The following CLPTM1L variants were observed in gnomAD, a reference collection of about 807,000 sequenced individuals.
The protein encoded by CLPTM1L is CLPTM1 like.
CLPTM1L carries 38 observed loss-of-function variants against 70.9 expected under a neutral mutation model. The observed-to-expected ratio is 0.54, with a 90% CI of 0.41 to 0.70. The LOEUF (loss-of-function observed/expected upper bound fraction) is 0.70. Ranked by LOEUF, CLPTM1L falls within the 30% of genes least tolerant of loss-of-function variation. CLPTM1L has a pLI of 0.00. For missense variants in CLPTM1L, 652 were observed against 705.9 expected (o/e 0.92, Z 0.87); for synonymous variants, 339 against 299.9 (o/e 1.13, Z -1.35).
chr5:1,334,363 C>T lies in CLPTM1L; in HGVS notation c.817G>A (p.Asp273Asn). 6.2e-7 allele frequency: 1 copy of T among 1,608,868 alleles called. No homozygotes were observed. The highest frequency in any genetic ancestry group is 1.3e-5 in the African/African-American group (1 of 74,348). Residue 273 changes from aspartate (D) to asparagine (N), a missense_variant, in exon 7 of 17, where the codon GAT becomes AAT. This residue lies in a region of CLPTM1L where 402 missense variants were observed against 388.2 expected (regional missense o/e 1.04). Coordinates refer to ENST00000320895, the MANE Select transcript of CLPTM1L (RefSeq NM_030782.5). The stretch of plus-strand genomic sequence containing the variant: ...TCTACAAAAATTCCTTTCACCTCAT[C>T]AGCATCTTTCTCTGAAAACCCTGTC... Reference protein sequence around the residue: ...QQFGFSEKDADEVKGIFVDTN... With the variant: ...QQFGFSEKDANEVKGIFVDTN...
Position 1,323,821 on chromosome 5 carries a change from C to G in CLPTM1L, c.1246G>C (p.Ala416Pro), listed in dbSNP as rs143020533. 4.3e-6 allele frequency: 7 copies of G among 1,613,692 alleles called. No individual in the cohort carries two copies. Among genetic ancestry groups the G allele is most frequent in the African/African-American group, 1.3e-5 (1 of 74,940 alleles). ...TTGATATTCAGGAGTGAATAGACAG[C>G]ACCCCCGACACAGAGAGGGTACAGC... ...YLLYPLCVGG[A>P]VYSLLNIKYK... Residue 416 changes from alanine to proline, a missense_variant, in exon 12 of 17, where the codon GCT becomes CCT. By Grantham distance (27) the Ala-to-Pro change is conservative. This residue lies in a region of CLPTM1L where 240 missense variants were observed against 295.0 expected (regional missense o/e 0.81). Transcript: ENST00000320895.
intron 13 of CLPTM1L, 140 bp downstream of exon 13, chr5:1,322,737 G>A (rs998302198): frequency 1.1e-5 from 9 of 854,058 alleles, no homozygotes; most frequent in South Asian, 4.2e-5. Flanking sequence ...CCTGGGCACC[G>A]CACATGTGCC....
At chr5:1,333,900 T>A (rs1417923388) in intron 7 of CLPTM1L, among the ~76,000 whole-genome samples, 1 of 152,094 alleles carries the variant, frequency 6.6e-6, no homozygotes, top group African/African-American at 2.4e-5. Flanking sequence ...TGCTAGAGGC[T>A]GCCCAGCTCC....
Position 1,342,037 on chromosome 5 carries a change from T to TGCGC in CLPTM1L, c.264-178_264-177insGCGC, listed in dbSNP as rs879397959. On this transcript the variant is annotated intron_variant, in intron 2 of 16. Transcript: ENST00000320895. The surrounding 1 kb of genome is among the most constrained non-coding windows in gnomAD (Gnocchi z 4.3). ...GTGTGTGTGTGTGTGTGTGTGTGTG[T>TGCGC]GTGCACGCGCACGCGTGCGCGTCCT... Among the ~76,000 whole-genome samples the TGCGC allele has an allele frequency of 2.7e-4, 35 of 128,698 alleles. No individual in the cohort carries two copies. Among genetic ancestry groups the TGCGC allele is most frequent in the African/African-American group, 1.1e-3 (31 of 27,596 alleles). 84.4% of individuals were successfully genotyped at this position (128,698 alleles called of 152,430 possible). A position where few individuals can be genotyped will look rare whatever the true frequency, so the allele number is the denominator to read the frequency against.
intron 5 of CLPTM1L, among the ~76,000 whole-genome samples, chr5:1,335,464 C>G (rs1753513218): frequency 6.6e-6 from 1 of 152,248 alleles, no homozygotes; most frequent in Non-Finnish European, 1.5e-5. Flanking sequence ...CAATTTTAAG[C>G]CGCACAAGTC....
chr5:1,331,418 C>T lies in CLPTM1L; in HGVS notation c.976+381G>A, dbSNP rs374332949. 242 of 274,156 alleles carry T rather than the reference C, an allele frequency of 8.8e-4. 2 individuals are homozygous for T. Among genetic ancestry groups the T allele is most frequent in the African/African-American group, 3.6e-3 (167 of 46,346 alleles). The allele number at this position is 274,156 out of a possible 1,614,324, so 17.0% of individuals were successfully genotyped here. On this transcript the variant is annotated intron_variant, in intron 8 of 16. Coordinates refer to ENST00000320895, the MANE Select transcript of CLPTM1L (RefSeq NM_030782.5). Reference sequence around the variant, plus strand: ...CGGGGAAGGAACACCGGCGGGAGGACGGGGCGAGGGAACCAAGACAGGGGA... The same window carrying T: ...CGGGGAAGGAACACCGGCGGGAGGATGGGGCGAGGGAACCAAGACAGGGGA...
At chr5:1,332,990 G>T (rs1048804043) in intron 7 of CLPTM1L, among the ~76,000 whole-genome samples, 1 of 147,406 alleles carries the variant, frequency 6.8e-6, no homozygotes, top group Non-Finnish European at 1.5e-5. Context: ...TATACACACG[G>T]GATGAGGATA....
chr5:1,331,777 G>C (rs1561241451), intron 8 of CLPTM1L, 22 bp downstream of exon 8: 1 of 1,608,770 alleles, frequency 6.2e-7, no homozygotes, highest in African/African-American at 1.3e-5. Context: ...TATCTGAGCA[G>C]GGCCACGCTC....
chr5:1,331,565 T>C (rs1349530502), intron 8 of CLPTM1L: 2 of 400,762 alleles, frequency 5.0e-6, no homozygotes, highest in Non-Finnish European at 8.5e-6. Flanking sequence ...AGCCAGGCCC[T>C]GAGCTGTGCA....
chr5:1,333,637 AAGGGGGACTACTGTATACACACCGGCT>A (rs1753320270), intron 7 of CLPTM1L, among the ~76,000 whole-genome samples: 1 of 128,392 alleles, frequency 7.8e-6, no homozygotes, highest in African/African-American at 3.0e-5. Flanking sequence ...AGATGAGGAT[AAGGGGGACTACTGTATACACACCGGCT>A]GAGGATAAGG....
intron 6 of CLPTM1L, 73 bp from the exon 7 acceptor site, chr5:1,334,456 T>C (rs892048673): frequency 1.7e-6 from 2 of 1,146,366 alleles, no homozygotes; most frequent in Non-Finnish European, 1.3e-6. Flanking sequence ...AATACAGTTT[T>C]CAATATAAAA....
intron 11 of CLPTM1L, 124 bp downstream of exon 11, chr5:1,324,639 G>T: frequency 1.0e-6 from 1 of 961,120 alleles, no homozygotes; most frequent in Non-Finnish European, 1.7e-6. Context: ...TGGGATCCCT[G>T]CTCAAGGCGG....
rs1010173634 is a variant in CLPTM1L at position 1,339,073 on chromosome 5, C to T, written c.454-68G>A. The T allele has an allele frequency of 3.2e-6, 5 of 1,540,032 alleles. No individual in the cohort carries two copies. In the Admixed American group the frequency reaches 5.7e-5, roughly 17 times the overall value. ...CCATGCCCAGGACAGCAGGGTCAGC[C>T]CCCTAACCTGCGAACAGAACGGCCA... On this transcript the variant is annotated intron_variant, in intron 3 of 16. Transcript: ENST00000320895.
intron 3 of CLPTM1L, among the ~76,000 whole-genome samples, chr5:1,340,932 A>AT (rs199683455): frequency 2.0e-5 from 3 of 150,248 alleles, no homozygotes; most frequent in Non-Finnish European, 4.4e-5. Context: ...CATCCAGCTA[A>AT]TTTTTGTATT....
At position 1,342,120 on chromosome 5, in the gene CLPTM1L, T is replaced by C. The variant is rs553408058; in HGVS notation, c.264-260A>G. Among the ~76,000 whole-genome samples the C allele has an allele frequency of 6.6e-6, 1 of 151,628 alleles. No homozygotes were observed. Among genetic ancestry groups the C allele is most frequent in the African/African-American group, 2.4e-5 (1 of 41,376 alleles). On this transcript the variant is annotated intron_variant, in intron 2 of 16. Coordinates refer to ENST00000320895, the MANE Select transcript of CLPTM1L (RefSeq NM_030782.5). This position sits in a 1 kb window ranked among gnomAD's most constrained non-coding sequence, Gnocchi z 4.3. The stretch of plus-strand genomic sequence containing the variant: ...CGAAAGCAAAACGGCCCGCACTTCC[T>C]GCCTCCATCTCAGGAGGCTGAGAGG...
intron 7 of CLPTM1L, 32 bp from the exon 8 acceptor site, chr5:1,331,915 TCTC>T (rs200780996): frequency 0.022 from 34,059 of 1,563,510 alleles, 426 homozygotes; most frequent in Non-Finnish European, 0.025. Flanking sequence ...GCAACTCACA[TCTC>T]CTGCTGTTTC....
intron 9 of CLPTM1L, among the ~76,000 whole-genome samples, chr5:1,329,788 A>G (rs71595031): frequency 0.055 from 2,814 of 51,614 alleles, 210 homozygotes; most frequent in Middle Eastern, 0.071. Flanking sequence ...TGGTGGACAG[A>G]GCCTCAGGAC....
chr5:1,318,283 C>A lies in CLPTM1L; in HGVS notation c.*86G>T. On this transcript the variant is annotated 3_prime_UTR_variant, in exon 17 of 17. Transcript: ENST00000320895. The surrounding 1 kb of genome is among the most constrained non-coding windows in gnomAD (Gnocchi z 8.9). ...AGGGATTTTGGCAACACAGAAAACG[C>A]AATGTCTAGGAATTCCTCCAAATGC... is the stretch of plus-strand genomic sequence containing the variant. 1 of 1,099,276 alleles carries A rather than the reference C, an allele frequency of 9.1e-7. No homozygotes were observed. 68.1% of individuals were successfully genotyped at this position (1,099,276 alleles called of 1,614,324 possible).
chr5:1,330,461 C>G lies in CLPTM1L; in HGVS notation c.977-78G>C. On this transcript the variant is annotated intron_variant, in intron 8 of 16. Transcript: ENST00000320895. ...GTTCCCCAAGTCACACACATACCCC[C>G]AGTCCCCCATCCCAACCCACCACGC... 15 of 1,178,650 alleles carry G rather than the reference C, an allele frequency of 1.3e-5. No homozygotes were observed. In the South Asian group the frequency reaches 1.9e-4, roughly 15 times the overall value. The allele number at this position is 1,178,650 out of a possible 1,614,324, so 73.0% of individuals were successfully genotyped here. A position where few individuals can be genotyped will look rare whatever the true frequency, so the allele number is the denominator to read the frequency against.
Sources: gnomAD v4.1 joint callset for allele counts (sites outside exome capture counted in the v4.1 genomes callset) on GRCh38, gnomAD v4.1.1 for gene constraint, gnomAD v4.1.1 regional missense constraint, Gnocchi (gnomAD v3.1) non-coding constraint, MANE v1.5 for transcripts, NCBI Gene and HGNC (gene_info 2026-07-23, HGNC 2026-07-21) for gene names.